Variants in NFIA observed in about 807,000 individuals in gnomAD.
NFIA encodes nuclear factor 1 A-type.
A neutral mutation model predicts 62.8 loss-of-function variants in NFIA; 8 were observed. The observed-to-expected ratio is 0.13, with a 90% CI of 0.07 to 0.23. The LOEUF is 0.23. Ranked by LOEUF, NFIA falls within the 10% of genes least tolerant of loss-of-function variation. The pLI is 1.00. For synonymous variants in NFIA, 235 were observed against 238.1 expected (o/e 0.99, Z 0.12); for missense variants, 410 against 642.1 (o/e 0.64, Z 3.91).
At chr1:61,239,840 T>C (rs1655233559) in intron 2 of NFIA, among the ~76,000 whole-genome samples, 1 of 152,156 alleles carries the variant, frequency 6.6e-6, no homozygotes, top group African/African-American at 2.4e-5. Flanking sequence ...AAGGATTTGG[T>C]ATAATCTCAT....
intron 2 of NFIA, among the ~76,000 whole-genome samples, chr1:61,188,810 T>C (rs914483735): frequency 6.6e-6 from 1 of 152,226 alleles, no homozygotes; most frequent in Non-Finnish European, 1.5e-5. Context: ...TTTGTATTTT[T>C]CCAAGTTACG....
rs559424982 is a variant in NFIA, at chr1:61,369,132, C to T, written c.946+9858C>T. On this transcript the variant is annotated intron_variant, in intron 6 of 10. Coordinates refer to ENST00000403491, the MANE Select transcript of NFIA (RefSeq NM_001134673.4). ...GAATACTGGCCCGTTTCCTTCGTTT[C>T]GTAATATCAGAGTCGAATCTTACTC... Among the ~76,000 whole-genome samples the T allele has an allele frequency of 1.4e-3, 219 of 152,272 alleles. 2 individuals carry two copies. The highest frequency in any genetic ancestry group is 2.3e-3 in the Non-Finnish European group (158 of 68,012).
At chr1:61,391,250 A>G (rs1664961507) in intron 7 of NFIA, among the ~76,000 whole-genome samples, 2 of 151,942 alleles carry the variant, frequency 1.3e-5, no homozygotes, top group African/African-American at 2.4e-5. Flanking sequence ...TTTTGTAGAG[A>G]CAGGGTCTCA....
chr1:61,310,449 C>T (rs376617744), intron 3 of NFIA, among the ~76,000 whole-genome samples: 10 of 152,264 alleles, frequency 6.6e-5, no homozygotes, highest in East Asian at 3.9e-4. Flanking sequence ...GGCTCTCCCT[C>T]GCTTGTCAAA....
chr1:61,181,335 T>C (rs1426371908), intron 2 of NFIA, among the ~76,000 whole-genome samples: 5 of 152,198 alleles, frequency 3.3e-5, no homozygotes, highest in Non-Finnish European at 7.3e-5. Flanking sequence ...AAATTAGAGC[T>C]TACAGACAGT....
In NFIA at chr1:61,317,821, T is replaced by C. The variant is rs1034967058; in HGVS notation, c.626-14691T>C. ...TTATGTTTGTTATTTATAACAGTTA[T>C]CATTTTTTGAACACATTCTGTGTTC... On this transcript the variant is annotated intron_variant, in intron 3 of 10. Coordinates refer to ENST00000403491, the MANE Select transcript of NFIA (RefSeq NM_001134673.4). 5.3e-5 allele frequency among the ~76,000 whole-genome samples: 8 copies of C among 152,148 alleles called. No individual in the cohort carries two copies. The South Asian group carries it at 6.2e-4, about 12-fold the overall frequency.
At chr1:61,261,636 T>G (rs1656780398) in intron 2 of NFIA, among the ~76,000 whole-genome samples, 2 of 152,162 alleles carry the variant, frequency 1.3e-5, no homozygotes, top group Non-Finnish European at 2.9e-5. Context: ...TAAACAGGAA[T>G]AATAAAGTAC....
chr1:61,163,131 A>G (rs1210064776), intron 2 of NFIA, among the ~76,000 whole-genome samples: 1 of 152,196 alleles, frequency 6.6e-6, no homozygotes, highest in Non-Finnish European at 1.5e-5. Context: ...CCTATACCGG[A>G]ATAAAGACTT....
At chr1:61,287,633 G>A (rs571955421) in intron 3 of NFIA, among the ~76,000 whole-genome samples, 9 of 151,860 alleles carry the variant, frequency 5.9e-5, no homozygotes, top group Admixed American at 2.6e-4. Context: ...GGCAAAACCC[G>A]TGACAGAGCA....
At chr1:61,330,437 C>CACA (rs372893731) in intron 3 of NFIA, among the ~76,000 whole-genome samples, 1 of 54,950 alleles carries the variant, frequency 1.8e-5, no homozygotes, top group African/African-American at 7.4e-5. Context: ...AATAGATACA[C>CACA]CCCCCCCACA....
At chr1:61,361,080 A>G (rs1283586887) in intron 6 of NFIA, among the ~76,000 whole-genome samples, 3 of 152,186 alleles carry the variant, frequency 2.0e-5, no homozygotes, top group Admixed American at 2.0e-4. Flanking sequence ...GCAGATCATT[A>G]TACGGTGATA....
At chr1:61,226,343 T>C (rs1654329225) in intron 2 of NFIA, among the ~76,000 whole-genome samples, 1 of 152,228 alleles carries the variant, frequency 6.6e-6, no homozygotes, top group African/African-American at 2.4e-5. Context: ...TTTAGTGTTA[T>C]CTGTCAATCA....
At chr1:61,151,752 T>A (rs951938531) in intron 2 of NFIA, among the ~76,000 whole-genome samples, 8 of 152,076 alleles carry the variant, frequency 5.3e-5, no homozygotes, top group African/African-American at 1.7e-4. Flanking sequence ...GAGTGCTGCT[T>A]CCCTTTCATT....
chr1:61,283,101 A>G (rs1489257473), intron 3 of NFIA, among the ~76,000 whole-genome samples: 1 of 152,178 alleles, frequency 6.6e-6, no homozygotes, highest in Non-Finnish European at 1.5e-5. Flanking sequence ...ATCTTCATTT[A>G]TGTCGTTCAC....
chr1:61,137,328 GAA>G, intron 2 of NFIA, among the ~76,000 whole-genome samples: 1 of 152,088 alleles, frequency 6.6e-6, no homozygotes, highest in Non-Finnish European at 1.5e-5. Flanking sequence ...TGCAGATAAG[GAA>G]AAAAGAGATT....
chr1:61,153,026 A>T (rs1557601025), intron 2 of NFIA, among the ~76,000 whole-genome samples: 1 of 152,186 alleles, frequency 6.6e-6, no homozygotes, highest in Admixed American at 6.5e-5. Flanking sequence ...TCATCTAGTC[A>T]TTAAAGGTGA....
intron 1 of NFIA, among the ~76,000 whole-genome samples, chr1:61,085,568 CT>C (rs948425994): frequency 7.6e-4 from 111 of 146,274 alleles, no homozygotes; most frequent in African/African-American, 1.4e-3. Flanking sequence ...GGGCACACTA[CT>C]TTTTTTTTTT....
In NFIA at chr1:61,088,568, C is replaced by T; in HGVS notation, c.447C>T (p.Arg149=). ...CGCTGGAAAGTACTGATGGCGAGCG[C>T]CTTGTAAAGTCCCCACAATGCTCTA... ...GIPLESTDGE[R]LVKSPQCSNP... Residue 149 remains arginine, a synonymous_variant, in exon 2 of 11, where the codon CGC becomes CGT. Coordinates refer to ENST00000403491, the MANE Select transcript of NFIA (RefSeq NM_001134673.4). The surrounding 1 kb of genome is among the most constrained non-coding windows in gnomAD (Gnocchi z 4.5). 1.2e-6 allele frequency: 2 copies of T among 1,614,148 alleles called. No homozygotes were observed. The highest frequency in any genetic ancestry group is 1.7e-6 in the Non-Finnish European group (2 of 1,180,012).
chr1:61,387,478 T>TTGTTTG (rs1553180855), intron 7 of NFIA, among the ~76,000 whole-genome samples: 34 of 142,850 alleles, frequency 2.4e-4, no homozygotes, highest in South Asian at 8.9e-4. Context: ...CTTTTTTTTT[T>TTGTTTG]TTTTTTTTTT....
Sources: gnomAD v4.1 joint callset for allele counts (sites outside exome capture counted in the v4.1 genomes callset) on GRCh38, gnomAD v4.1.1 for gene constraint, Gnocchi (gnomAD v3.1) non-coding constraint, MANE v1.5 for transcripts, NCBI Gene and HGNC (gene_info 2026-07-23, HGNC 2026-07-21) for gene names.